The following FCN1 variants were observed in gnomAD, a reference collection of about 807,000 sequenced individuals.
FCN1 encodes the protein ficolin 1, also known as ficolin-1.
In FCN1, 42 loss-of-function variants were observed where a neutral mutation model predicts 35.6. The ratio of observed to expected loss-of-function variants is 1.18; its 90% CI spans 0.92 to 1.53. FCN1 has a LOEUF of 1.53. Among genes scored for constraint, FCN1 ranks in the 40% most tolerant of loss-of-function variants. The probability of loss-of-function intolerance (pLI) is 0.00; values close to 1 mark genes in which losing one functional copy is unlikely to be tolerated. For synonymous variants in FCN1, 179 were observed against 169.8 expected, an observed-to-expected ratio of 1.05 and a Z score of -0.42; for missense variants, 439 against 428.4, an observed-to-expected ratio of 1.02 and a Z score of -0.22.
intron 2 of FCN1, 148 bp downstream of exon 2, chr9:134,916,200 C>T (rs1831089179): frequency 1.4e-6 from 1 of 692,626 alleles, no homozygotes; most frequent in South Asian, 1.7e-5. Flanking sequence ...TGGGAGTCAG[C>T]TCTGTTCCTG....
rs186441089 is a variant in FCN1 at position 134,904,579 on chromosome 9, G to A, written c.*5219C>T. On this transcript the variant is annotated 3_prime_UTR_variant, in exon 9 of 9. Transcript: ENST00000371806. ...GGATCACTTGAGGTCAGGAGTTCAA[G>A]AGCAGCCTGGCTAACATGGCGAAAC... Among the ~76,000 whole-genome samples, 2 of 152,226 alleles carry A rather than the reference G, an allele frequency of 1.3e-5. No individual in the cohort carries two copies. Among genetic ancestry groups the A allele is most frequent in the African/African-American group, 4.8e-5 (2 of 41,552 alleles).
At chr9:134,912,259 C>T (rs1831032447) in intron 7 of FCN1, among the ~76,000 whole-genome samples, 1 of 152,194 alleles carries the variant, frequency 6.6e-6, no homozygotes, top group Non-Finnish European at 1.5e-5. Flanking sequence ...GCCAGTAGGA[C>T]CAAGACCTGA....
rs1831004635 is a variant in FCN1 at position 134,910,097 on chromosome 9, G to A, written c.734-52C>T. 2.0e-6 allele frequency: 3 copies of A among 1,521,470 alleles called. No homozygotes were observed. In the East Asian group the frequency reaches 6.8e-5, roughly 34 times the overall value. The allele number at this position is 1,521,470 out of a possible 1,614,324, so 94.2% of individuals were successfully genotyped here. Reference sequence around the variant, plus strand: ...AGATGCTGGAAAAAGCCCTGCCACTGTGAGACCCTCACCACATCCTGCCTC... The same window carrying A: ...AGATGCTGGAAAAAGCCCTGCCACTATGAGACCCTCACCACATCCTGCCTC... On this transcript the variant is annotated intron_variant, in intron 8 of 8. Transcript: ENST00000371806.
Position 134,910,811 on chromosome 9 carries a change from T to C in FCN1, c.733+322A>G, listed in dbSNP as rs577174863. Among the ~76,000 whole-genome samples the C allele has an allele frequency of 2.6e-5, 4 of 152,322 alleles. No individual in the cohort carries two copies. The East Asian group carries it at 7.7e-4, about 29-fold the overall frequency. ...TAAAGAATGTCCCACAAGGCTGGTG[T>C]TCCATGGAGCACAGTTTGGGAAACA... On this transcript the variant is annotated intron_variant, in intron 8 of 8. Transcript: ENST00000371806.
In FCN1 at chr9:134,911,152, GGCTCCCAGTACCA is replaced by G; in HGVS notation, c.701_713del (p.Leu234ProfsTer11). 1 of 1,614,112 alleles carries G rather than the reference GGCTCCCAGTACCA, an allele frequency of 6.2e-7. No individual in the cohort carries two copies. The highest frequency in any genetic ancestry group is 8.5e-7 in the Non-Finnish European group (1 of 1,180,016). The stretch of plus-strand genomic sequence containing the variant: ...ACTCACCCGCACTGCCCCCGACAAA[GGCTCCCAGTACCA>G]GCTTGTACTTCTCTGCCTCGTCAGC... On this transcript the variant is annotated frameshift_variant, in exon 8 of 9. Coordinates refer to ENST00000371806, the MANE Select transcript of FCN1 (RefSeq NM_002003.5). LOFTEE classifies it low-confidence loss of function (END_TRUNC).
At chr9:134,912,656 G>C in intron 6 of FCN1, 41 bp from the exon 7 acceptor site, 1 of 1,613,568 alleles carries the variant, frequency 6.2e-7, no homozygotes, top group Non-Finnish European at 8.5e-7. Flanking sequence ...GGGGCAGGCC[G>C]AGGTCCCACA....
chr9:134,908,848 G>T lies in FCN1; in HGVS notation c.*950C>A. ...CACTCCATTTGTGGTGACTGGTTGC[G>T]GCAATAGTAGAAAACTAAAGATTTG... On this transcript the variant is annotated 3_prime_UTR_variant, in exon 9 of 9. Coordinates refer to ENST00000371806, the MANE Select transcript of FCN1 (RefSeq NM_002003.5). The T allele has an allele frequency of 4.8e-6, 1 of 207,064 alleles. No homozygotes were observed. Among genetic ancestry groups the T allele is most frequent in the Non-Finnish European group, 9.9e-6 (1 of 100,984 alleles). 12.8% of individuals were successfully genotyped at this position (207,064 alleles called of 1,614,324 possible). A position where few individuals can be genotyped will look rare whatever the true frequency, so the allele number is the denominator to read the frequency against.
intron 1 of FCN1, among the ~76,000 whole-genome samples, chr9:134,916,991 C>T (rs960468055): frequency 1.3e-5 from 2 of 152,180 alleles, no homozygotes; most frequent in Admixed American, 1.3e-4. Context: ...AGGTGTGGCA[C>T]AGCTGCAGCC....
At position 134,917,898 on chromosome 9, in the gene FCN1, T is replaced by C. The variant is rs756301950; in HGVS notation, c.-27A>G. On this transcript the variant is annotated 5_prime_UTR_variant, in exon 1 of 9. Transcript: ENST00000371806. ...CTCTCTGGCCTTTGACTCTGAAGAG[T>C]CCCCCAGCTCTAACAGGGCAGAGGA... is the stretch of plus-strand genomic sequence containing the variant. The C allele has an allele frequency of 6.6e-7, 1 of 1,521,098 alleles. No homozygotes were observed. The highest frequency in any genetic ancestry group is 1.1e-5 in the South Asian group (1 of 89,328). 94.2% of individuals were successfully genotyped at this position (1,521,098 alleles called of 1,614,324 possible). A position where few individuals can be genotyped will look rare whatever the true frequency, so the allele number is the denominator to read the frequency against.
intron 8 of FCN1, among the ~76,000 whole-genome samples, chr9:134,910,578 G>A (rs773505878): frequency 1.2e-4 from 18 of 152,136 alleles, no homozygotes; most frequent in African/African-American, 2.9e-4. Context: ...GCGTGAGATC[G>A]TGCCTGTGAA....
rs779669688 is a variant in FCN1, at chr9:134,916,383, C to T, written c.182G>A (p.Gly61Glu). ...RGCPGLPGAP[G>E]PKGEAGVIGE... Reference sequence around the variant, plus strand: ...AATGACACCTGCCTCTCCCTTTGGCCCTGGGGCCCCGGGCAGCCCCGGGCA... The same window carrying T: ...AATGACACCTGCCTCTCCCTTTGGCTCTGGGGCCCCGGGCAGCCCCGGGCA... Residue 61 changes from glycine (G) to glutamate (E), a missense_variant, in exon 2 of 9, where the codon GGG (glycine) becomes GAG (glutamate). Physicochemically the swap from Gly to Glu is moderately conservative, Grantham distance 98. Transcript: ENST00000371806. 5.1e-5 allele frequency: 83 copies of T among 1,614,080 alleles called. No individual in the cohort carries two copies. Among genetic ancestry groups the T allele is most frequent in the Non-Finnish European group, 6.8e-5 (80 of 1,180,046 alleles).
chr9:134,911,224 G>T lies in FCN1; in HGVS notation c.642C>A (p.Asn214Lys), dbSNP rs1278310153. 6.2e-7 allele frequency: 1 copy of T among 1,612,808 alleles called. No homozygotes were observed. The highest frequency in any genetic ancestry group is 1.3e-5 in the African/African-American group (1 of 74,616). ...ATGATTTGTACTTAGCAAACTGGTG[G>T]TTGCCCTCAAAGTCCACCAGGTCTA... ...LRVDLVDFEG[N>K]HQFAKYKSFK... The change falls in exon 8 of 9, where the codon AAC (asparagine) becomes AAA (lysine). Residue 214 changes from asparagine to lysine, a missense_variant. Asn to Lys is a moderately conservative substitution (Grantham distance 94). Coordinates refer to ENST00000371806, the MANE Select transcript of FCN1 (RefSeq NM_002003.5).
chr9:134,907,511 TG>T lies in FCN1; in HGVS notation c.*2286del, dbSNP rs1250480877. Reference sequence around the variant, plus strand: ...AACAAACATCCTTACAATCACCACCTGGGTCAAGAAACAGAGCATTGCCAGA... The same window carrying T: ...AACAAACATCCTTACAATCACCACCTGGTCAAGAAACAGAGCATTGCCAGA... On this transcript the variant is annotated 3_prime_UTR_variant, in exon 9 of 9. Coordinates refer to ENST00000371806, the MANE Select transcript of FCN1 (RefSeq NM_002003.5). The T allele has an allele frequency of 2.0e-5, 3 of 152,252 alleles. No homozygotes were observed. Among genetic ancestry groups the T allele is most frequent in the Non-Finnish European group, 4.4e-5 (3 of 68,046 alleles). The allele number at this position is 152,252 out of a possible 1,614,324, so 9.4% of individuals were successfully genotyped here.
In FCN1 at chr9:134,908,953, G is replaced by C; in HGVS notation, c.*845C>G. On this transcript the variant is annotated 3_prime_UTR_variant, in exon 9 of 9. Coordinates refer to ENST00000371806, the MANE Select transcript of FCN1 (RefSeq NM_002003.5). Reference sequence around the variant, plus strand: ...TTCGGTAAGTGGGAGCTCTTGATTTGAATGGAGTCACACTTGCCACATTCC... The same window carrying C: ...TTCGGTAAGTGGGAGCTCTTGATTTCAATGGAGTCACACTTGCCACATTCC... 3.5e-6 allele frequency: 1 copy of C among 283,814 alleles called. No homozygotes were observed. The highest frequency in any genetic ancestry group is 6.9e-6 in the Non-Finnish European group (1 of 144,494). 17.6% of individuals were successfully genotyped at this position (283,814 alleles called of 1,614,324 possible).
Position 134,914,821 on chromosome 9 carries a change from A to G in FCN1, c.218-12T>C. 1 of 1,608,786 alleles carries G rather than the reference A, an allele frequency of 6.2e-7. No individual in the cohort carries two copies. The highest frequency in any genetic ancestry group is 8.5e-7 in the Non-Finnish European group (1 of 1,176,226). On this transcript the variant is annotated splice_polypyrimidine_tract_variant and intron_variant, in intron 2 of 8. Coordinates refer to ENST00000371806, the MANE Select transcript of FCN1 (RefSeq NM_002003.5). ...GAGACCGCGTTCTCCTGAAAATTCC[A>G]AAGACATATCACTGAGAAAAATGCA...
chr9:134,914,087 T>A (rs866638541), intron 4 of FCN1, among the ~76,000 whole-genome samples: 3 of 152,240 alleles, frequency 2.0e-5, no homozygotes, highest in East Asian at 1.9e-4. Context: ...TTGGCTTTTT[T>A]AAACTTTTAC....
intron 8 of FCN1, 117 bp from the exon 9 acceptor site, chr9:134,910,162 GCTACAGGTGCA>G (rs1831005444): frequency 2.1e-6 from 2 of 966,554 alleles, no homozygotes; most frequent in Admixed American, 3.7e-5. Context: ...CATGAGCCGA[GCTACAGGTGCA>G]CAAATGACCC....
chr9:134,905,736 G>A lies in FCN1; in HGVS notation c.*4062C>T, dbSNP rs764481732. On this transcript the variant is annotated 3_prime_UTR_variant, in exon 9 of 9. Transcript: ENST00000371806. ...CCTGACCTTGTGATCCGCCCGCCTCGGCCTCCCAAAGTGCTGGGATTACAA... is the reference window on the plus strand; with the variant it reads ...CCTGACCTTGTGATCCGCCCGCCTCAGCCTCCCAAAGTGCTGGGATTACAA... Among the ~76,000 whole-genome samples, 4 of 150,990 alleles carry A rather than the reference G, an allele frequency of 2.6e-5. No individual in the cohort carries two copies. The highest frequency in any genetic ancestry group is 6.6e-5 in the Admixed American group (1 of 15,200).
rs1831005398 is a variant in FCN1 at position 134,910,162 on chromosome 9, G to A, written c.734-117C>T. On this transcript the variant is annotated intron_variant, in intron 8 of 8. Coordinates refer to ENST00000371806, the MANE Select transcript of FCN1 (RefSeq NM_002003.5). ...CTCACTTTAGCGACGCATGAGCCGA[G>A]CTACAGGTGCACAAATGACCCACCC... 4 of 966,554 alleles carry A rather than the reference G, an allele frequency of 4.1e-6. No homozygotes were observed. The East Asian group carries it at 7.2e-5, about 17-fold the overall frequency. The allele number at this position is 966,554 out of a possible 1,614,324, so 59.9% of individuals were successfully genotyped here.
Sources: allele counts gnomAD v4.1 joint callset (sites outside exome capture counted in the v4.1 genomes callset), GRCh38; gene constraint gnomAD v4.1.1; transcripts MANE v1.5; gene names NCBI Gene and HGNC (gene_info 2026-07-23, HGNC 2026-07-21).